SBF2: variants seen among roughly 807,000 people sequenced by gnomAD.
SBF2 encodes the protein SET binding factor 2.
Under a neutral mutation model 225.2 loss-of-function variants are expected in SBF2, and 112 were observed. The observed-to-expected ratio is 0.50, with a 90% CI of 0.43 to 0.58. The LOEUF (loss-of-function observed/expected upper bound fraction) is 0.58. Among genes scored for constraint, SBF2 ranks in the 20% least tolerant of loss-of-function variants. SBF2 has a pLI of 0.00. For synonymous variants in SBF2, 763 were observed against 773.3 expected (o/e 0.99, Z 0.22); for missense variants, 1,996 against 2,206.2 (o/e 0.90, Z 1.91).
chr11:9,851,299 G>A (rs532366316), intron 21 of SBF2, among the ~76,000 whole-genome samples: 1 of 152,170 alleles, frequency 6.6e-6, no homozygotes, highest in Non-Finnish European at 1.5e-5. Context: ...ACAGTTAAGG[G>A]TGGAGGTGGA....
At chr11:10,148,583 A>G (rs1472523078) in intron 2 of SBF2, among the ~76,000 whole-genome samples, 1 of 152,096 alleles carries the variant, frequency 6.6e-6, no homozygotes, top group Non-Finnish European at 1.5e-5. Flanking sequence ...CAGCCAGGAC[A>G]AAATCTAGGA....
chr11:10,053,616 C>T (rs1042383515), intron 2 of SBF2, among the ~76,000 whole-genome samples: 2 of 152,028 alleles, frequency 1.3e-5, no homozygotes, highest in African/African-American at 4.8e-5. Flanking sequence ...AAGACCCAGC[C>T]TGGTGGCTCA....
chr11:10,087,682 T>C (rs1951626868), intron 2 of SBF2, among the ~76,000 whole-genome samples: 1 of 152,206 alleles, frequency 6.6e-6, no homozygotes, highest in Non-Finnish European at 1.5e-5. Flanking sequence ...AACTAACAAA[T>C]TTTGAGCTGC....
chr11:10,264,588 T>A (rs1160775370), intron 1 of SBF2, among the ~76,000 whole-genome samples: 2 of 152,206 alleles, frequency 1.3e-5, no homozygotes, highest in Non-Finnish European at 2.9e-5. Context: ...TGTTAATTTT[T>A]AAAATTTTTA....
chr11:9,832,191 C>T (rs747112293), intron 27 of SBF2, 33 bp downstream of exon 27: 23 of 1,548,732 alleles, frequency 1.5e-5, no homozygotes, highest in East Asian at 7.1e-5. Flanking sequence ...CTTATGTGAA[C>T]GGGTGGTAAT....
intron 2 of SBF2, among the ~76,000 whole-genome samples, chr11:10,176,568 T>C (rs1348512529): frequency 2.6e-5 from 4 of 151,950 alleles, no homozygotes; most frequent in Non-Finnish European, 2.9e-5. Context: ...AACACCTCTA[T>C]GCAAATAAAC....
intron 1 of SBF2, among the ~76,000 whole-genome samples, chr11:10,231,699 G>A (rs1958853399): frequency 6.6e-6 from 1 of 152,198 alleles, no homozygotes; most frequent in Non-Finnish European, 1.5e-5. Context: ...CCAGCTGTGT[G>A]AGGTGTCAGT....
At chr11:9,780,865 T>C in intron 39 of SBF2, 1 of 344,336 alleles carries the variant, frequency 2.9e-6, no homozygotes, top group Non-Finnish European at 5.6e-6. Context: ...AGGGAGCTCC[T>C]TGTGCTCCAG....
chr11:10,140,671 T>C (rs1252646899), intron 2 of SBF2, among the ~76,000 whole-genome samples: 2 of 152,192 alleles, frequency 1.3e-5, no homozygotes, highest in African/African-American at 4.8e-5. Flanking sequence ...CATGAGAACC[T>C]CCCATTTATA....
At chr11:9,884,101 G>T (rs890223556) in intron 17 of SBF2, among the ~76,000 whole-genome samples, 4 of 152,138 alleles carry the variant, frequency 2.6e-5, no homozygotes, top group African/African-American at 9.7e-5. Flanking sequence ...TGGAGGCTTT[G>T]CATCTGTTGT....
chr11:10,043,028 T>G lies in SBF2; in HGVS notation c.142-47A>C. 1.9e-6 allele frequency: 3 copies of G among 1,555,160 alleles called. No individual in the cohort carries two copies. In the African/African-American group the frequency reaches 4.1e-5, roughly 21 times the overall value. On this transcript the variant is annotated intron_variant, in intron 2 of 39. Coordinates refer to ENST00000256190, the MANE Select transcript of SBF2 (RefSeq NM_030962.4). ...ATGTAACATTTAAAAACAATAAAAG[T>G]TAATTATTAATCTCTGAGAAATTTT...
intron 13 of SBF2, among the ~76,000 whole-genome samples, chr11:9,978,075 A>G (rs1417153433): frequency 6.6e-6 from 1 of 152,218 alleles, no homozygotes; most frequent in African/African-American, 2.4e-5. Flanking sequence ...CTTGCTTATC[A>G]AAAGGGAATT....
chr11:10,290,534 T>C (rs889215672), intron 1 of SBF2, among the ~76,000 whole-genome samples: 3 of 151,850 alleles, frequency 2.0e-5, no homozygotes, highest in Non-Finnish European at 4.4e-5. Context: ...AGATCCAGAC[T>C]GGGGTAGGGG....
chr11:10,083,957 C>A (rs1046893840), intron 2 of SBF2, among the ~76,000 whole-genome samples: 3 of 152,126 alleles, frequency 2.0e-5, no homozygotes, highest in African/African-American at 7.2e-5. Context: ...CCAGGCAACA[C>A]AGGGAGACCA....
At chr11:10,009,559 T>C (rs983130565) in intron 6 of SBF2, among the ~76,000 whole-genome samples, 1 of 152,220 alleles carries the variant, frequency 6.6e-6, no homozygotes, top group South Asian at 2.1e-4. Flanking sequence ...GGTTTCCAGC[T>C]TCATCCATGT....
At chr11:10,073,810 T>G (rs1000286657) in intron 2 of SBF2, among the ~76,000 whole-genome samples, 1 of 152,122 alleles carries the variant, frequency 6.6e-6, no homozygotes, top group Non-Finnish European at 1.5e-5. Context: ...ACAAACCAAC[T>G]GTGAAAAGAT....
chr11:9,875,870 G>T (rs1300381711), intron 17 of SBF2, among the ~76,000 whole-genome samples: 1 of 152,110 alleles, frequency 6.6e-6, no homozygotes, highest in Non-Finnish European at 1.5e-5. Flanking sequence ...AAAGTATGCA[G>T]GCACACACAA....
At chr11:9,940,337 G>A (rs576842803) in intron 16 of SBF2, among the ~76,000 whole-genome samples, 69 of 152,170 alleles carry the variant, frequency 4.5e-4, no homozygotes, top group African/African-American at 1.0e-3. Flanking sequence ...CCTGGGAGGC[G>A]GAGCTTGCAG....
In SBF2 at chr11:9,789,084, A is replaced by C. The variant is rs1479910790; in HGVS notation, c.4932+25T>G. 3 of 1,601,040 alleles carry C rather than the reference A, an allele frequency of 1.9e-6. No homozygotes were observed. The South Asian group carries it at 3.3e-5, about 18-fold the overall frequency. On this transcript the variant is annotated intron_variant, in intron 35 of 39. Coordinates refer to ENST00000256190, the MANE Select transcript of SBF2 (RefSeq NM_030962.4). ...TGCCTCCAGGGCCCCTGGTGCCCCT[A>C]GGTGTGTGTCTACAGTTGACTTACA... is the stretch of plus-strand genomic sequence containing the variant.
Sources: allele counts gnomAD v4.1 joint callset (sites outside exome capture counted in the v4.1 genomes callset), GRCh38; gene constraint gnomAD v4.1.1; transcripts MANE v1.5; gene names NCBI Gene and HGNC (gene_info 2026-07-23, HGNC 2026-07-21).